Variants in CMIP observed in about 807,000 individuals in gnomAD.
CMIP encodes the protein C-Maf-inducing protein.
In CMIP, 13 loss-of-function variants were observed where a neutral mutation model predicts 97.3. That is an observed-to-expected ratio of 0.13 (90% CI 0.09 to 0.21). The LOEUF is 0.21. Ranked by LOEUF, CMIP falls within the 10% of genes least tolerant of loss-of-function variation. CMIP has a pLI of 1.00. For synonymous variants in CMIP, 538 were observed against 436.3 expected, an observed-to-expected ratio of 1.23 and a Z score of -2.91; for missense variants, 847 against 1,024.9, an observed-to-expected ratio of 0.83 and a Z score of 2.37.
chr16:81,490,585 A>T (rs1340775906), intron 1 of CMIP, among the ~76,000 whole-genome samples: 1 of 152,100 alleles, frequency 6.6e-6, no homozygotes, highest in East Asian at 1.9e-4. Flanking sequence ...ACGCCATCGC[A>T]CTCTAGCCTG....
chr16:81,564,286 C>T (rs548283114), intron 1 of CMIP, among the ~76,000 whole-genome samples: 1 of 152,286 alleles, frequency 6.6e-6, no homozygotes, highest in East Asian at 1.9e-4. Flanking sequence ...CTACTTCCAA[C>T]CCCACTTAAG....
chr16:81,610,485 G>T (rs2091813189), intron 2 of CMIP: 2 of 985,738 alleles, frequency 2.0e-6, no homozygotes, highest in East Asian at 1.1e-4. Flanking sequence ...CGGACTCCGA[G>T]CTAATGAGGG....
chr16:81,576,263 G>A (rs1299931404), intron 1 of CMIP, among the ~76,000 whole-genome samples: 1 of 152,044 alleles, frequency 6.6e-6, no homozygotes, highest in Non-Finnish European at 1.5e-5. Context: ...AATTATCCAG[G>A]TGTGATGGTG....
chr16:81,626,424 G>T (rs1163246287), intron 3 of CMIP, among the ~76,000 whole-genome samples: 1 of 148,198 alleles, frequency 6.7e-6, no homozygotes, highest in Non-Finnish European at 1.5e-5. Flanking sequence ...ATGAGTGTGT[G>T]TGGGGTGTGG....
chr16:81,662,281 G>C (rs995100657), intron 6 of CMIP, among the ~76,000 whole-genome samples: 18 of 152,168 alleles, frequency 1.2e-4, no homozygotes, highest in Non-Finnish European at 2.6e-4. Flanking sequence ...TAGAACACTG[G>C]ATATTTGTTG....
intron 3 of CMIP, among the ~76,000 whole-genome samples, chr16:81,626,729 T>C (rs1462564883): frequency 7.3e-6 from 1 of 137,678 alleles, no homozygotes; most frequent in East Asian, 2.3e-4. Flanking sequence ...GTGGGGAGAT[T>C]ATTTTATGAC....
At chr16:81,547,758 A>T (rs1241027306) in intron 1 of CMIP, among the ~76,000 whole-genome samples, 2 of 152,090 alleles carry the variant, frequency 1.3e-5, no homozygotes, top group Admixed American at 1.3e-4. Flanking sequence ...GATGAAGAAG[A>T]ATTGGAGAGG....
Position 81,705,616 on chromosome 16 carries a change from C to T in CMIP, c.2197+12C>T, listed in dbSNP as rs774156046. 40 of 1,563,106 alleles carry T rather than the reference C, an allele frequency of 2.6e-5. 1 individual carries two copies. The highest frequency in any genetic ancestry group is 3.3e-4 in the Middle Eastern group (2 of 5,984). On this transcript the variant is annotated intron_variant, in intron 19 of 20. Coordinates refer to ENST00000537098, the MANE Select transcript of CMIP (RefSeq NM_198390.3). ...GCTGGCCCTGAGCTGTGAGTGCCTCCGGGGCAGCTGGGGGGTGAGGGGCCG... is the reference window on the plus strand; with the variant it reads ...GCTGGCCCTGAGCTGTGAGTGCCTCTGGGGCAGCTGGGGGGTGAGGGGCCG...
At chr16:81,454,552 G>A (rs1220459884) in intron 1 of CMIP, among the ~76,000 whole-genome samples, 1 of 152,242 alleles carries the variant, frequency 6.6e-6, no homozygotes, top group African/African-American at 2.4e-5. Context: ...TTGAATGCCA[G>A]CTATTCGTAA....
chr16:81,463,688 G>T (rs1441630031), intron 1 of CMIP, among the ~76,000 whole-genome samples: 3 of 152,210 alleles, frequency 2.0e-5, no homozygotes, highest in Non-Finnish European at 2.9e-5. Context: ...CCCTGGGTGG[G>T]CAGTGTCCCC....
chr16:81,602,481 C>T (rs186513915), intron 1 of CMIP, among the ~76,000 whole-genome samples: 114 of 152,322 alleles, frequency 7.5e-4, no homozygotes, highest in African/African-American at 2.6e-3. Context: ...ACGCTTTTAG[C>T]GTGCAGATCT....
At chr16:81,617,943 G>A (rs73598476) in intron 2 of CMIP, among the ~76,000 whole-genome samples, 66 of 152,316 alleles carry the variant, frequency 4.3e-4, no homozygotes, top group African/African-American at 1.5e-3. Context: ...GGAGGGATGT[G>A]GTTGTCCTCC....
intron 2 of CMIP, chr16:81,618,982 C>G (rs1462315507): frequency 1.3e-5 from 2 of 152,246 alleles, no homozygotes; most frequent in African/African-American, 4.8e-5. Flanking sequence ...TGGGAGGGAG[C>G]TCAGCAACAG....
At chr16:81,661,041 T>C (rs2092540159) in intron 6 of CMIP, 95 bp downstream of exon 6, 1 of 1,487,280 alleles carries the variant, frequency 6.7e-7, no homozygotes, top group Non-Finnish European at 9.4e-7. Flanking sequence ...GCCAAAAACC[T>C]GGGCCCCACC....
chr16:81,567,047 G>C (rs961515799), intron 1 of CMIP, among the ~76,000 whole-genome samples: 1 of 152,234 alleles, frequency 6.6e-6, no homozygotes, highest in African/African-American at 2.4e-5. Flanking sequence ...GTGAGCATTT[G>C]TCAGGCTGTA....
chr16:81,548,155 A>G (rs994769367), intron 1 of CMIP, among the ~76,000 whole-genome samples: 27 of 124,444 alleles, frequency 2.2e-4, no homozygotes, highest in African/African-American at 4.5e-4. Flanking sequence ...TTTTTTTGAG[A>G]CAGGGTCTCC....
chr16:81,559,780 G>T (rs1327761369), intron 1 of CMIP, among the ~76,000 whole-genome samples: 1 of 152,062 alleles, frequency 6.6e-6, no homozygotes, highest in African/African-American at 2.4e-5. Context: ...TTATTTTGTG[G>T]TATACTCCTT....
chr16:81,667,799 A>AGAGAGAGAGTGTGTGTGTGTGT, intron 7 of CMIP, among the ~76,000 whole-genome samples: 4 of 58,098 alleles, frequency 6.9e-5, no homozygotes, highest in East Asian at 1.3e-3. Context: ...AGAGAGAGAG[A>AGAGAGAGAGTGTGTGTGTGTGT]GTGTGTGTGT....
chr16:81,495,503 C>A, intron 1 of CMIP: 1 of 1,612,796 alleles, frequency 6.2e-7, no homozygotes, highest in South Asian at 1.1e-5. Context: ...AGGTACAGTC[C>A]CATGTGGGGA....
Sources: allele counts gnomAD v4.1 joint callset (sites outside exome capture counted in the v4.1 genomes callset), GRCh38; gene constraint gnomAD v4.1.1; transcripts MANE v1.5; gene names NCBI Gene and HGNC (gene_info 2026-07-23, HGNC 2026-07-21).